The following RALGAPA1 variants were observed in gnomAD, a reference collection of about 807,000 sequenced individuals.
The protein encoded by RALGAPA1 is Ral GTPase activating protein catalytic subunit alpha 1.
A neutral mutation model predicts 269.6 loss-of-function variants in RALGAPA1; 52 were observed. That is an observed-to-expected ratio of 0.19 (90% CI 0.15 to 0.24). The LOEUF is 0.24. Among genes scored for constraint, RALGAPA1 ranks in the 10% least tolerant of loss-of-function variants. RALGAPA1 has a pLI of 1.00. For synonymous variants in RALGAPA1, 817 were observed against 1,008.3 expected, an observed-to-expected ratio of 0.81 and a Z score of 3.60; for missense variants, 1,917 against 3,013.9, an observed-to-expected ratio of 0.64 and a Z score of 8.52.
At position 35,766,497 on chromosome 14, in the gene RALGAPA1, T is replaced by G; in HGVS notation, c.326-3744A>C. 3.0e-6 allele frequency: 4 copies of G among 1,321,870 alleles called. 1 individual carries two copies. In the South Asian group the frequency reaches 4.8e-5, roughly 16 times the overall value. The allele number at this position is 1,321,870 out of a possible 1,614,324, so 81.9% of individuals were successfully genotyped here. ...TGAAGTATCCTTTTCTCACATTACT[T>G]ATTCAATTGTCTGCTACCATCTATT... On this transcript the variant is annotated intron_variant, in intron 4 of 41. Transcript: ENST00000680220.
intron 39 of RALGAPA1, among the ~76,000 whole-genome samples, chr14:35,561,475 T>G (rs1394014055): frequency 6.6e-6 from 1 of 151,116 alleles, no homozygotes; most frequent in Non-Finnish European, 1.5e-5. Flanking sequence ...AAAAAATTCT[T>G]TAATTGTAAT....
intron 16 of RALGAPA1, among the ~76,000 whole-genome samples, chr14:35,718,840 ATT>A (rs35240996): frequency 6.3e-4 from 88 of 140,750 alleles, no homozygotes; most frequent in Middle Eastern, 3.6e-3. Context: ...AAAAAAATGG[ATT>A]TTTTTTTTTT....
intron 39 of RALGAPA1, among the ~76,000 whole-genome samples, chr14:35,549,867 C>T (rs752194156): frequency 6.6e-6 from 1 of 152,066 alleles, no homozygotes; most frequent in Non-Finnish European, 1.5e-5. Flanking sequence ...GGAAAAAATA[C>T]CTAGTCAATT....
At chr14:35,738,428 G>A in intron 12 of RALGAPA1, 85 bp downstream of exon 12, 1 of 985,306 alleles carries the variant, frequency 1.0e-6, no homozygotes, top group South Asian at 3.3e-5. Context: ...TTATTATATT[G>A]TGAAAAGTAT....
At chr14:35,759,752 A>G (rs568094877) in intron 6 of RALGAPA1, among the ~76,000 whole-genome samples, 97 of 152,112 alleles carry the variant, frequency 6.4e-4, no homozygotes, top group Non-Finnish European at 1.2e-3. Context: ...TCTACTAAAA[A>G]TACAAAAAAA....
intron 17 of RALGAPA1, among the ~76,000 whole-genome samples, chr14:35,694,618 T>G (rs1265553702): frequency 6.6e-6 from 1 of 150,904 alleles, no homozygotes; most frequent in Non-Finnish European, 1.5e-5. Flanking sequence ...CCCAGTCGAC[T>G]ATCTTCTCTT....
chr14:35,689,909 A>G lies in RALGAPA1; in HGVS notation c.2502T>C (p.Asn834=). ...ETGNEVFGAL[N]EEQPLPRSSS... is the part of the protein sequence containing the mutation. Reference sequence around the variant, plus strand: ...TACTTCGAGGCAATGGCTGCTCCTCATTCAAAGCACCAAAAACTTCATTTC... The same window carrying G: ...TACTTCGAGGCAATGGCTGCTCCTCGTTCAAAGCACCAAAAACTTCATTTC... The change falls in exon 18 of 42, where the codon AAT becomes AAC. Residue 834 remains asparagine (N), a synonymous_variant. Transcript: ENST00000680220. The G allele has an allele frequency of 1.2e-6, 2 of 1,604,156 alleles. No individual in the cohort carries two copies. Among genetic ancestry groups the G allele is most frequent in the African/African-American group, 1.4e-5 (1 of 74,046 alleles).
intron 1 of RALGAPA1, among the ~76,000 whole-genome samples, chr14:35,804,165 G>T (rs973383335): frequency 2.6e-5 from 4 of 152,014 alleles, no homozygotes; most frequent in Non-Finnish European, 5.9e-5. Flanking sequence ...GGGAGGCTGA[G>T]GCAGGAGAAT....
intron 33 of RALGAPA1, among the ~76,000 whole-genome samples, chr14:35,630,552 G>A (rs1023975377): frequency 1.3e-5 from 2 of 152,010 alleles, no homozygotes; most frequent in African/African-American, 2.4e-5. Context: ...AAAGTGCTGG[G>A]ATTACAAGTG....
intron 4 of RALGAPA1, chr14:35,766,132 C>T: frequency 3.2e-6 from 3 of 947,112 alleles, no homozygotes; most frequent in Non-Finnish European, 5.2e-6. Context: ...ACCAGAAATC[C>T]TGCTGCCTAC....
intron 16 of RALGAPA1, among the ~76,000 whole-genome samples, chr14:35,712,655 C>T (rs1231873270): frequency 6.6e-6 from 1 of 152,110 alleles, no homozygotes; most frequent in African/African-American, 2.4e-5. Context: ...TACAGGCACG[C>T]GCCACTGCAC....
intron 21 of RALGAPA1, 71 bp downstream of exon 21, chr14:35,683,738 A>G: frequency 8.1e-7 from 1 of 1,230,722 alleles, no homozygotes; most frequent in South Asian, 1.8e-5. Flanking sequence ...AAAATCTCTC[A>G]AAATTTTAAT....
chr14:35,761,375 T>C (rs2073691109), intron 5 of RALGAPA1, among the ~76,000 whole-genome samples: 2 of 152,106 alleles, frequency 1.3e-5, no homozygotes, highest in African/African-American at 2.4e-5. Flanking sequence ...TGACTGTTAG[T>C]GGTGAGAATG....
At chr14:35,560,164 C>T (rs1438146629) in intron 39 of RALGAPA1, among the ~76,000 whole-genome samples, 4 of 152,158 alleles carry the variant, frequency 2.6e-5, no homozygotes, top group Non-Finnish European at 4.4e-5. Flanking sequence ...AAAAAACACA[C>T]AATAGCAGAA....
chr14:35,678,153 C>A, intron 21 of RALGAPA1, 51 bp from the exon 22 acceptor site: 2 of 1,535,952 alleles, frequency 1.3e-6, no homozygotes, highest in East Asian at 2.3e-5. Context: ...AATATCCTAC[C>A]TAAGATGTAA....
In RALGAPA1 at chr14:35,539,643, C is replaced by T; in HGVS notation, c.*71G>A. On this transcript the variant is annotated 3_prime_UTR_variant, in exon 42 of 42. Transcript: ENST00000680220. Reference sequence around the variant, plus strand: ...GGAGAGGCCAGGTCAGCCCCATCTACCTGCGTTGCTGTGGGAGTTTCACTG... The same window carrying T: ...GGAGAGGCCAGGTCAGCCCCATCTATCTGCGTTGCTGTGGGAGTTTCACTG... 2 of 1,614,146 alleles carry T rather than the reference C, an allele frequency of 1.2e-6. No homozygotes were observed. Among genetic ancestry groups the T allele is most frequent in the South Asian group, 2.2e-5 (2 of 91,068 alleles).
intron 10 of RALGAPA1, among the ~76,000 whole-genome samples, chr14:35,744,316 A>G (rs1356805338): frequency 6.6e-6 from 1 of 151,304 alleles, no homozygotes; most frequent in Non-Finnish European, 1.5e-5. Flanking sequence ...AGTTGCGGTA[A>G]GCTGAGATCA....
chr14:35,543,500 C>T (rs2054194954), intron 41 of RALGAPA1, among the ~76,000 whole-genome samples: 2 of 151,984 alleles, frequency 1.3e-5, no homozygotes, highest in African/African-American at 4.8e-5. Flanking sequence ...TGTTGATAGT[C>T]CTATAAAATA....
chr14:35,549,878 A>T (rs543382076), intron 39 of RALGAPA1, among the ~76,000 whole-genome samples: 2 of 152,314 alleles, frequency 1.3e-5, no homozygotes, highest in Admixed American at 1.3e-4. Context: ...CTAGTCAATT[A>T]TAACACTGAA....
Sources: gnomAD v4.1 joint callset for allele counts (sites outside exome capture counted in the v4.1 genomes callset) on GRCh38, gnomAD v4.1.1 for gene constraint, MANE v1.5 for transcripts, NCBI Gene and HGNC (gene_info 2026-07-23, HGNC 2026-07-21) for gene names.